The following PAK6 variants were observed in gnomAD, a reference collection of about 807,000 sequenced individuals.
PAK6 encodes the protein p21 (RAC1) activated kinase 6, also known as serine/threonine-protein kinase PAK 6.
In PAK6, 33 loss-of-function variants were observed where a neutral mutation model predicts 60.8. That is an observed-to-expected ratio of 0.54 (90% CI 0.41 to 0.73). The LOEUF is 0.73. PAK6 is among the 30% of genes least tolerant of loss of function. PAK6 has a pLI of 0.00. For missense variants in PAK6, 845 were observed against 904.1 expected (o/e 0.93, Z 0.84); for synonymous variants, 404 against 378.5 (o/e 1.07, Z -0.78).
chr15:40,254,701 C>T (rs1284284692), intron 3 of PAK6, among the ~76,000 whole-genome samples: 1 of 152,164 alleles, frequency 6.6e-6, no homozygotes, highest in Admixed American at 6.5e-5. Context: ...AGTTTGGAGT[C>T]GGAGAGATCT....
exon 11 of PAK6, chr15:40,277,186 T>G (rs1264429351): frequency 6.6e-6 from 1 of 152,284 alleles, no homozygotes; most frequent in Non-Finnish European, 1.5e-5. Context: ...CATCCATGTG[T>G]GCAAACCATC....
intron 3 of PAK6, among the ~76,000 whole-genome samples, chr15:40,261,479 G>A (rs2038984551): frequency 6.6e-6 from 1 of 152,050 alleles, no homozygotes; most frequent in African/African-American, 2.4e-5. Context: ...AGAGATTGCA[G>A]TGAGCTGAGA....
intron 3 of PAK6, among the ~76,000 whole-genome samples, chr15:40,253,613 ATGCCGG>A (rs2038752208): frequency 6.6e-6 from 1 of 152,218 alleles, no homozygotes; most frequent in Non-Finnish European, 1.5e-5. Flanking sequence ...CAGGGAATTC[ATGCCGG>A]GGAAGAGGTT....
At chr15:40,252,666 G>T in intron 2 of PAK6, 1 of 1,316,136 alleles carries the variant, frequency 7.6e-7, no homozygotes. Flanking sequence ...ACCTCTTCGA[G>T]CGTTCCTGGG....
Position 40,272,217 on chromosome 15 carries a change from C to T in PAK6, c.859-7C>T. 6.2e-7 allele frequency: 1 copy of T among 1,600,752 alleles called. No homozygotes were observed. Among genetic ancestry groups the T allele is most frequent in the East Asian group, 2.2e-5 (1 of 44,600 alleles). On this transcript the variant is annotated splice_region_variant and splice_polypyrimidine_tract_variant and intron_variant, in intron 5 of 10. Coordinates refer to ENST00000560346, the Ensembl canonical transcript of PAK6. ...CCCTGACCCTTCCTGTTGCTTTGTC[C>T]CTGCAGCCCAACTCCTCTTTCCGAC...
exon 7 of PAK6, chr15:40,272,926 G>A (rs749351655): frequency 5.6e-6 from 9 of 1,614,140 alleles, no homozygotes; most frequent in Non-Finnish European, 6.8e-6. Context: ...GAGCTACCTG[G>A]TGGGCGAGGA....
chr15:40,265,486 G>A (rs2039099465), intron 4 of PAK6, among the ~76,000 whole-genome samples: 2 of 152,146 alleles, frequency 1.3e-5, no homozygotes, highest in Non-Finnish European at 2.9e-5. Flanking sequence ...CAGAGGGCTG[G>A]GCACATCTCT....
chr15:40,254,610 C>A (rs890221501), intron 3 of PAK6, among the ~76,000 whole-genome samples: 22 of 152,154 alleles, frequency 1.4e-4, no homozygotes, highest in African/African-American at 4.6e-4. Flanking sequence ...GCTTCCAGTC[C>A]CATCTCTGTT....
chr15:40,276,946 T>A (rs1366478954), exon 11 of PAK6: 2 of 152,098 alleles, frequency 1.3e-5, no homozygotes, highest in African/African-American at 4.8e-5. Context: ...ACCTGGCCAG[T>A]GGAGTGGTCC....
chr15:40,270,055 T>C (rs1013249430), intron 5 of PAK6, among the ~76,000 whole-genome samples: 1 of 152,146 alleles, frequency 6.6e-6, no homozygotes, highest in Non-Finnish European at 1.5e-5. Context: ...CCGACCCACC[T>C]GGATGGGTGC....
At chr15:40,257,654 C>T (rs1446421889) in intron 3 of PAK6, among the ~76,000 whole-genome samples, 3 of 152,264 alleles carry the variant, frequency 2.0e-5, no homozygotes, top group Non-Finnish European at 2.9e-5. Flanking sequence ...TTTGAATGCC[C>T]ATGCTCTGGC....
exon 11 of PAK6, chr15:40,276,130 G>A (rs1003879391): frequency 6.2e-7 from 1 of 1,601,368 alleles, no homozygotes; most frequent in South Asian, 1.1e-5. Context: ...TACGCCCACA[G>A]GCAGGGCACA....
Position 40,252,396 on chromosome 15 carries a change from G to C in PAK6, c.-117-782G>C, listed in dbSNP as rs550607348. 7.5e-6 allele frequency: 10 copies of C among 1,339,548 alleles called. No homozygotes were observed. The South Asian group carries it at 9.3e-5, about 13-fold the overall frequency. The allele number at this position is 1,339,548 out of a possible 1,614,324, so 83.0% of individuals were successfully genotyped here. ...GGGCCCGGAGGCGAAGGGCGGGCGG[G>C]AACTGGGGCCAAGCAGGTGGAGAGA... On this transcript the variant is annotated intron_variant, in intron 2 of 10. Coordinates refer to ENST00000560346, the Ensembl canonical transcript of PAK6.
intron 2 of PAK6, 177 bp from the exon 3 acceptor site, chr15:40,253,001 G>A (rs768200204): frequency 3.3e-5 from 15 of 455,910 alleles, no homozygotes; most frequent in Middle Eastern, 8.4e-4. Context: ...TGCGCCCAAC[G>A]TCCCCTTCTC....
In PAK6 at chr15:40,260,279, T is replaced by C. The variant is rs537762073; in HGVS notation, c.-5-4502T>C. 5 of 152,334 alleles carry C rather than the reference T, an allele frequency of 3.3e-5. No homozygotes were observed. The South Asian group carries it at 8.3e-4, about 25-fold the overall frequency. The allele number at this position is 152,334 out of a possible 1,614,324, so 9.4% of individuals were successfully genotyped here. On this transcript the variant is annotated intron_variant, in intron 3 of 10. Coordinates refer to ENST00000560346, the Ensembl canonical transcript of PAK6. ...GATCTGTCTGCATAATTTTGGAGTA[T>C]GATATGAGCTCATTCTTCCGGGTTT...
intron 6 of PAK6, 70 bp downstream of exon 6, chr15:40,272,791 ATC>A: frequency 6.3e-7 from 1 of 1,587,162 alleles, no homozygotes; most frequent in Non-Finnish European, 8.6e-7. Flanking sequence ...CAGGCTGGAC[ATC>A]TGTGAGCAGG....
chr15:40,262,522 AAC>A (rs1256396723), intron 3 of PAK6, among the ~76,000 whole-genome samples: 1 of 137,656 alleles, frequency 7.3e-6, no homozygotes, highest in African/African-American at 2.8e-5. Flanking sequence ...CAACAACAAC[AAC>A]AACAAACAAC....
intron 1 of PAK6, among the ~76,000 whole-genome samples, chr15:40,240,250 C>G (rs1277181526): frequency 6.6e-6 from 1 of 152,202 alleles, no homozygotes; most frequent in African/African-American, 2.4e-5. Flanking sequence ...GGCCAGTCAG[C>G]ACCCATGTGC....
At position 40,273,536 on chromosome 15, in the gene PAK6, C is replaced by T. The variant is rs2039369209; in HGVS notation, c.1618-15C>T. 6.2e-7 allele frequency: 1 copy of T among 1,613,962 alleles called. No homozygotes were observed. The highest frequency in any genetic ancestry group is 2.2e-5 in the East Asian group (1 of 44,876). On this transcript the variant is annotated splice_polypyrimidine_tract_variant and intron_variant, in intron 8 of 10. Coordinates refer to ENST00000560346, the Ensembl canonical transcript of PAK6. ...CTTCCTCCTGATCCACCACTCACTC[C>T]CTTTTCAACCGCAGGTGAAGCTCTC...
Sources: allele counts gnomAD v4.1 joint callset (sites outside exome capture counted in the v4.1 genomes callset), GRCh38; gene constraint gnomAD v4.1.1; transcripts MANE v1.5; gene names NCBI Gene and HGNC (gene_info 2026-07-23, HGNC 2026-07-21).